FRMD4A: variants seen among roughly 807,000 people sequenced by gnomAD.
The protein encoded by FRMD4A is FERM domain containing 4A.
A neutral mutation model predicts 129.1 loss-of-function variants in FRMD4A; 29 were observed. The ratio of observed to expected loss-of-function variants is 0.22; its 90% CI spans 0.17 to 0.31. The LOEUF (loss-of-function observed/expected upper bound fraction) is 0.31. Ranked by LOEUF, FRMD4A falls within the 10% of genes least tolerant of loss-of-function variation. The probability of loss-of-function intolerance (pLI) is 1.00; values close to 1 mark genes in which losing one functional copy is unlikely to be tolerated. For synonymous variants in FRMD4A, 634 were observed against 571.6 expected (o/e 1.11, Z -1.56); for missense variants, 1,272 against 1,375.8 (o/e 0.92, Z 1.19).
At chr10:14,093,486 A>C (rs1267018669) in intron 2 of FRMD4A, among the ~76,000 whole-genome samples, 1 of 152,210 alleles carries the variant, frequency 6.6e-6, no homozygotes, top group Non-Finnish European at 1.5e-5. Flanking sequence ...AATGACACTT[A>C]AATCCTTGAC....
intron 2 of FRMD4A, among the ~76,000 whole-genome samples, chr10:13,993,326 AT>A (rs937076056): frequency 6.6e-6 from 1 of 152,216 alleles, no homozygotes; most frequent in African/African-American, 2.4e-5. Flanking sequence ...CTGTGAATCC[AT>A]TCAAGTTCTT....
chr10:13,898,292 G>A (rs936057374), intron 2 of FRMD4A, among the ~76,000 whole-genome samples: 1 of 152,152 alleles, frequency 6.6e-6, no homozygotes, highest in African/African-American at 2.4e-5. Context: ...CTTGAACCCA[G>A]GAGGTGGAGG....
intron 15 of FRMD4A, among the ~76,000 whole-genome samples, chr10:13,689,495 G>T (rs1466311638): frequency 6.6e-6 from 1 of 150,712 alleles, no homozygotes; most frequent in Admixed American, 6.6e-5. Context: ...TCCTATGGGA[G>T]GTATCAGCAA....
At chr10:14,310,291 T>C (rs1316863986) in intron 2 of FRMD4A, among the ~76,000 whole-genome samples, 1 of 152,216 alleles carries the variant, frequency 6.6e-6, no homozygotes, top group Non-Finnish European at 1.5e-5. Context: ...GAAGGAGCTC[T>C]CCTGGTTTGC....
At chr10:13,683,037 A>C (rs1172187872) in intron 15 of FRMD4A, among the ~76,000 whole-genome samples, 1 of 151,956 alleles carries the variant, frequency 6.6e-6, no homozygotes, top group East Asian at 2.0e-4. Flanking sequence ...AGAAGGAAGC[A>C]GGGCAGGGGC....
chr10:14,296,839 A>G (rs543562398), intron 2 of FRMD4A, among the ~76,000 whole-genome samples: 2 of 152,296 alleles, frequency 1.3e-5, no homozygotes, highest in African/African-American at 4.8e-5. Context: ...TGAAGCGCAT[A>G]CAACTCCCTT....
At chr10:14,256,260 A>G (rs1157500587) in intron 2 of FRMD4A, among the ~76,000 whole-genome samples, 1 of 152,130 alleles carries the variant, frequency 6.6e-6, no homozygotes, top group South Asian at 2.1e-4. Flanking sequence ...GATGAAAACT[A>G]TAAAGCTTTA....
At position 13,657,139 on chromosome 10, in the gene FRMD4A, C is replaced by A; in HGVS notation, c.2450G>T (p.Gly817Val). 1 of 1,394,488 alleles carries A rather than the reference C, an allele frequency of 7.2e-7. No individual in the cohort carries two copies. The highest frequency in any genetic ancestry group is 9.5e-7 in the Non-Finnish European group (1 of 1,049,222). The allele number at this position is 1,394,488 out of a possible 1,614,324, so 86.4% of individuals were successfully genotyped here. ...CTGGCTGTGCAGGTACACACCGCCC[C>A]CCGCGCCCCCCGCGCCCCCCGCACC... ...RGGAGGAGGA[G>V]GGVYLHSQSQ... is the part of the protein sequence containing the mutation. Residue 817 changes from glycine to valine, a missense_variant, in exon 22 of 25, where the codon GGG (glycine) becomes GTG (valine). Gly to Val is a moderately radical substitution (Grantham distance 109). Coordinates refer to ENST00000357447, the MANE Select transcript of FRMD4A (RefSeq NM_018027.5).
At chr10:13,756,299 A>G (rs899075157) in intron 8 of FRMD4A, 4 of 152,224 alleles carry the variant, frequency 2.6e-5, no homozygotes, top group African/African-American at 9.6e-5. Flanking sequence ...TGTGATTTGC[A>G]TTGTTTAGCG....
At chr10:13,804,079 T>G (rs2093314155) in intron 4 of FRMD4A, among the ~76,000 whole-genome samples, 1 of 152,190 alleles carries the variant, frequency 6.6e-6, no homozygotes. Context: ...AAGGTACTGT[T>G]GTATGTTTGC....
At position 13,659,579 on chromosome 10, in the gene FRMD4A, T is replaced by C. The variant is rs536025126; in HGVS notation, c.1899-89A>G. ...CTAGTTCAGGACAATGATCCCAGCA[T>C]GTGGGGAAAGCTCGCCCGTGACTCC... On this transcript the variant is annotated intron_variant, in intron 20 of 24. Coordinates refer to ENST00000357447, the MANE Select transcript of FRMD4A (RefSeq NM_018027.5). 8.9e-6 allele frequency: 12 copies of C among 1,345,694 alleles called. No individual in the cohort carries two copies. In the South Asian group the frequency reaches 9.3e-5, roughly 10 times the overall value. 83.4% of individuals were successfully genotyped at this position (1,345,694 alleles called of 1,614,324 possible).
chr10:13,984,396 A>G (rs553768591), intron 2 of FRMD4A, among the ~76,000 whole-genome samples: 22 of 152,316 alleles, frequency 1.4e-4, no homozygotes, highest in African/African-American at 5.3e-4. Flanking sequence ...AAATATACGT[A>G]ATACAAACTT....
intron 3 of FRMD4A, among the ~76,000 whole-genome samples, chr10:13,839,977 A>C (rs1343246821): frequency 6.6e-6 from 1 of 152,182 alleles, no homozygotes; most frequent in South Asian, 2.1e-4. Context: ...TCCCTATAAA[A>C]ATGACGGAGT....
chr10:14,011,661 G>C (rs12571559), intron 2 of FRMD4A, among the ~76,000 whole-genome samples: 3 of 152,022 alleles, frequency 2.0e-5, no homozygotes, highest in Admixed American at 6.6e-5. Context: ...CTGAGGGACC[G>C]AGACATTGGA....
rs1311165005 is a variant in FRMD4A, at chr10:13,659,472, G to A, written c.1917C>T (p.Pro639=). ...CGGCTTCCGCACAGCTTCCTGTGCTGGGGAAGCGCTTGTGGCTGCTGCAAA... is the reference window on the plus strand; with the variant it reads ...CGGCTTCCGCACAGCTTCCTGTGCTAGGGAAGCGCTTGTGGCTGCTGCAAA... ...HSHSSSHKRF[P]STGSCAEAGG... Residue 639 remains proline (P), a synonymous_variant, in exon 21 of 25, where the codon CCC becomes CCT. Transcript: ENST00000357447. The A allele has an allele frequency of 6.2e-7, 1 of 1,613,140 alleles. No individual in the cohort carries two copies. The highest frequency in any genetic ancestry group is 1.7e-5 in the Admixed American group (1 of 60,012).
chr10:14,072,130 G>T (rs1451611322), intron 2 of FRMD4A, among the ~76,000 whole-genome samples: 1 of 152,158 alleles, frequency 6.6e-6, no homozygotes, highest in Non-Finnish European at 1.5e-5. Flanking sequence ...CATTCTTTAT[G>T]ATGAATGTTT....
intron 17 of FRMD4A, among the ~76,000 whole-genome samples, chr10:13,669,499 C>A (rs1436636186): frequency 6.6e-6 from 1 of 152,244 alleles, no homozygotes; most frequent in East Asian, 1.9e-4. Flanking sequence ...TCTGAATTCA[C>A]CCTCACCCTA....
rs745413089 is a variant in FRMD4A at position 13,663,471 on chromosome 10, C to T, written c.1642G>A (p.Ala548Thr). Residue 548 changes from alanine to threonine, a missense_variant, in exon 19 of 25, where the codon GCC (alanine) becomes ACC (threonine). By Grantham distance (58) the Ala-to-Thr change is moderately conservative. Around this residue, in one of 2 missense-constraint regions of FRMD4A, gnomAD observed 972 missense variants for 892.3 expected, o/e 1.09. Transcript: ENST00000357447. ...IASEDSSLSDALVLEDEDSQV... is the reference protein window; with the variant it reads ...IASEDSSLSDTLVLEDEDSQV... Reference sequence around the variant, plus strand: ...AACCTACCATCCTCAAGAACAAGGGCATCTGAGAGGGAGCTGTCTTCACTG... The same window carrying T: ...AACCTACCATCCTCAAGAACAAGGGTATCTGAGAGGGAGCTGTCTTCACTG... The T allele has an allele frequency of 1.9e-6, 3 of 1,553,194 alleles. No individual in the cohort carries two copies. Among genetic ancestry groups the T allele is most frequent in the Non-Finnish European group, 2.7e-6 (3 of 1,124,322 alleles).
intron 2 of FRMD4A, among the ~76,000 whole-genome samples, chr10:14,220,638 A>T (rs966274123): frequency 3.9e-4 from 60 of 152,154 alleles, no homozygotes; most frequent in Non-Finnish European, 4.4e-5. Flanking sequence ...GCAGTAAATG[A>T]CTCTTAAATT....
Sources: gnomAD v4.1 joint callset for allele counts (sites outside exome capture counted in the v4.1 genomes callset) on GRCh38, gnomAD v4.1.1 for gene constraint, gnomAD v4.1.1 regional missense constraint, MANE v1.5 for transcripts, NCBI Gene and HGNC (gene_info 2026-07-23, HGNC 2026-07-21) for gene names.